Variants in CDH18 observed in about 807,000 individuals in gnomAD.
CDH18 encodes cadherin-18.
A neutral mutation model predicts 67.9 loss-of-function variants in CDH18; 31 were observed. The observed-to-expected ratio is 0.46, with a 90% CI of 0.34 to 0.62. The LOEUF (loss-of-function observed/expected upper bound fraction) is 0.62, where lower values mean the gene tolerates loss of function less well. CDH18 is among the 20% of genes least tolerant of loss of function. CDH18 has a pLI of 0.01. For missense variants in CDH18, 890 were observed against 975.5 expected (o/e 0.91, Z 1.17); for synonymous variants, 362 against 347.2 (o/e 1.04, Z -0.48).
chr5:19,770,533 T>C (rs529494930), intron 3 of CDH18, among the ~76,000 whole-genome samples: 1 of 152,286 alleles, frequency 6.6e-6, no homozygotes, highest in African/African-American at 2.4e-5. Context: ...AAAGAGATTA[T>C]TCTATCCCCA....
chr5:19,814,579 A>C (rs1779090388), intron 3 of CDH18, among the ~76,000 whole-genome samples: 1 of 152,022 alleles, frequency 6.6e-6, no homozygotes, highest in Admixed American at 6.6e-5. Context: ...GGAGGGCGTT[A>C]AAACTTTCAC....
chr5:19,535,514 A>G (rs1314360646), intron 9 of CDH18, among the ~76,000 whole-genome samples: 1 of 152,212 alleles, frequency 6.6e-6, no homozygotes, highest in Non-Finnish European at 1.5e-5. Context: ...CTGCTAACCA[A>G]AAATAACTTC....
At chr5:20,424,479 C>T (rs1036976427) in intron 1 of CDH18, among the ~76,000 whole-genome samples, 2 of 150,370 alleles carry the variant, frequency 1.3e-5, no homozygotes, top group East Asian at 1.9e-4. Flanking sequence ...AGGCCTGGTG[C>T]GGTGGCTGAC....
At chr5:20,100,640 G>A (rs1444983862) in intron 2 of CDH18, among the ~76,000 whole-genome samples, 5 of 151,930 alleles carry the variant, frequency 3.3e-5, no homozygotes, top group Non-Finnish European at 5.9e-5. Flanking sequence ...CTATAACACC[G>A]AAAACTGGAC....
At chr5:19,767,580 T>C (rs377725581) in intron 3 of CDH18, among the ~76,000 whole-genome samples, 1 of 151,982 alleles carries the variant, frequency 6.6e-6, no homozygotes, top group East Asian at 1.9e-4. Context: ...TAAAACAGAA[T>C]AATGAAAGTA....
At chr5:20,092,491 A>T (rs904365610) in intron 2 of CDH18, among the ~76,000 whole-genome samples, 4 of 152,214 alleles carry the variant, frequency 2.6e-5, no homozygotes, top group African/African-American at 9.6e-5. Flanking sequence ...CTATTAAAAA[A>T]ATTCTAAAAG....
intron 3 of CDH18, among the ~76,000 whole-genome samples, chr5:19,811,155 AAAGAAG>A (rs1561351813): frequency 8.5e-4 from 19 of 22,456 alleles, no homozygotes; most frequent in Admixed American, 2.9e-3. Context: ...AGAAAGAAAG[AAAGAAG>A]GAGAGAAAGA....
At chr5:19,794,698 G>A (rs540251669) in intron 3 of CDH18, among the ~76,000 whole-genome samples, 1 of 152,016 alleles carries the variant, frequency 6.6e-6, no homozygotes, top group Non-Finnish European at 1.5e-5. Context: ...TAAAAGCCAT[G>A]CATGAAATAT....
chr5:20,086,002 A>G (rs1744916883), intron 2 of CDH18, among the ~76,000 whole-genome samples: 1 of 152,252 alleles, frequency 6.6e-6, no homozygotes, highest in African/African-American at 2.4e-5. Context: ...AAGCTGAGAA[A>G]AGCTAAAAGG....
chr5:19,539,803 C>T lies in CDH18; in HGVS notation c.1390+4066G>A, dbSNP rs148117387. Among the ~76,000 whole-genome samples, 1,234 of 152,268 alleles carry T rather than the reference C, an allele frequency of 8.1e-3. 6 individuals are homozygous for T. Among genetic ancestry groups the T allele is most frequent in the Non-Finnish European group, 0.012 (783 of 68,028 alleles). ...AAAGACGAGGTCCATGATTCAATTA[C>T]CTCCCACCAGCTCCCTCCCACAACA... On this transcript the variant is annotated intron_variant, in intron 9 of 12. Coordinates refer to ENST00000382275, the MANE Select transcript of CDH18 (RefSeq NM_004934.5).
Position 19,562,233 on chromosome 5 carries a change from T to G in CDH18, c.1253+9346A>C, listed in dbSNP as rs148640725. 8.0e-3 allele frequency among the ~76,000 whole-genome samples: 1,222 copies of G among 152,308 alleles called. 20 individuals carry two copies. The highest frequency in any genetic ancestry group is 0.027 in the African/African-American group (1,139 of 41,582). ...TGAACACAGTTTAAAACATATTTAC[T>G]GGTTATTTTTCATCTTTGTTTTCAA... On this transcript the variant is annotated intron_variant, in intron 8 of 12. Transcript: ENST00000382275.
At chr5:19,539,148 T>C (rs182305101) in intron 9 of CDH18, among the ~76,000 whole-genome samples, 97 of 152,332 alleles carry the variant, frequency 6.4e-4, no homozygotes, top group African/African-American at 2.0e-3. Flanking sequence ...ACTAGTGCTC[T>C]TTCTTTCTAT....
chr5:20,443,036 C>A (rs1477010172), intron 1 of CDH18, among the ~76,000 whole-genome samples: 1 of 150,012 alleles, frequency 6.7e-6, no homozygotes, highest in Non-Finnish European at 1.5e-5. Context: ...GGTGAAACCC[C>A]GTCTCTACTA....
At chr5:19,769,088 A>T (rs1197158925) in intron 3 of CDH18, among the ~76,000 whole-genome samples, 1 of 152,074 alleles carries the variant, frequency 6.6e-6, no homozygotes, top group Non-Finnish European at 1.5e-5. Flanking sequence ...GCCTAAGAAC[A>T]TATGGATAAT....
intron 12 of CDH18, among the ~76,000 whole-genome samples, chr5:19,481,377 T>C (rs1441160346): frequency 6.6e-6 from 1 of 152,186 alleles, no homozygotes; most frequent in Non-Finnish European, 1.5e-5. Context: ...ATCATTTTTC[T>C]GAGTCCATTG....
chr5:20,397,693 G>C (rs1244215974), intron 1 of CDH18, among the ~76,000 whole-genome samples: 2 of 152,046 alleles, frequency 1.3e-5, no homozygotes, highest in African/African-American at 4.8e-5. Flanking sequence ...TGCTGTGAGA[G>C]TAAAATGGGT....
rs545273990 is a variant in CDH18, at chr5:19,958,372, C to G, written c.-257+22688G>C. Among the ~76,000 whole-genome samples, 69 of 123,272 alleles carry G rather than the reference C, an allele frequency of 5.6e-4. 1 individual carries two copies. The South Asian group carries it at 0.015, about 28-fold the overall frequency. The allele number at this position is 123,272 out of a possible 152,430, so 80.9% of individuals were successfully genotyped here. ...AAAGAAACTCAATAGGATGATCTTT[C>G]CTTCACCAAAAAAAAAAAAAAAAAA... On this transcript the variant is annotated intron_variant, in intron 2 of 12. Coordinates refer to ENST00000382275, the MANE Select transcript of CDH18 (RefSeq NM_004934.5).
chr5:19,918,922 C>T (rs1792132854), intron 2 of CDH18, among the ~76,000 whole-genome samples: 1 of 151,994 alleles, frequency 6.6e-6, no homozygotes, highest in African/African-American at 2.4e-5. Flanking sequence ...TGGGTAAAAA[C>T]CCAGAGATAG....
At chr5:19,733,351 T>C (rs1767870996) in intron 4 of CDH18, among the ~76,000 whole-genome samples, 1 of 152,182 alleles carries the variant, frequency 6.6e-6, no homozygotes. Flanking sequence ...TTAACCTTTT[T>C]CCAAACTCTT....
Sources: allele counts gnomAD v4.1 joint callset (sites outside exome capture counted in the v4.1 genomes callset), GRCh38; gene constraint gnomAD v4.1.1; transcripts MANE v1.5; gene names NCBI Gene and HGNC (gene_info 2026-07-23, HGNC 2026-07-21).